The following ST8SIA1 variants were observed in gnomAD, a reference collection of about 807,000 sequenced individuals.
The protein encoded by ST8SIA1 is ST8 alpha-N-acetyl-neuraminide alpha-2,8-sialyltransferase 1.
In ST8SIA1, 16 loss-of-function variants were observed where a neutral mutation model predicts 35.9. That is an observed-to-expected ratio of 0.45 (90% CI 0.30 to 0.68). The LOEUF (loss-of-function observed/expected upper bound fraction) is 0.68. Ranked by LOEUF, ST8SIA1 falls within the 30% of genes least tolerant of loss-of-function variation. The pLI is 0.09. For synonymous variants in ST8SIA1, 170 were observed against 169.6 expected (o/e 1.00, Z -0.02); for missense variants, 383 against 453.6 (o/e 0.84, Z 1.41).
chr12:22,253,560 A>T (rs1300735320), intron 3 of ST8SIA1, among the ~76,000 whole-genome samples: 3 of 152,140 alleles, frequency 2.0e-5, no homozygotes, highest in African/African-American at 7.2e-5. Context: ...GAATTCCCCC[A>T]CGGTAGCAAA....
intron 4 of ST8SIA1, among the ~76,000 whole-genome samples, chr12:22,242,200 G>A (rs1268995513): frequency 6.6e-6 from 1 of 151,900 alleles, no homozygotes; most frequent in African/African-American, 2.4e-5. Flanking sequence ...TTTATCCAGG[G>A]GACAAACTCT....
At position 22,195,479 on chromosome 12, in the gene ST8SIA1, CAGGA is replaced by C. The variant is rs1864975517; in HGVS notation, c.*6069_*6072del. 6.6e-6 allele frequency: 1 copy of C among 151,948 alleles called. No individual in the cohort carries two copies. The highest frequency in any genetic ancestry group is 1.5e-5 in the Non-Finnish European group (1 of 68,080). The allele number at this position is 151,948 out of a possible 1,614,324, so 9.4% of individuals were successfully genotyped here. ...TTTGTTTTTTGTAACCAGGTAAAAG[CAGGA>C]ACACAGTCCCCCATTACCACAAATT... On this transcript the variant is annotated 3_prime_UTR_variant, in exon 5 of 5. Coordinates refer to ENST00000396037, the MANE Select transcript of ST8SIA1 (RefSeq NM_003034.4).
rs571216031 is a variant in ST8SIA1 at position 22,248,812 on chromosome 12, G to A, written c.584+194C>T. ...TCTAAAGGCAAGAAACAGAATCCCA[G>A]AGGAAGCATAAAATATTGTTTGGAT... On this transcript the variant is annotated intron_variant, in intron 4 of 4. Transcript: ENST00000396037. The A allele has an allele frequency of 2.8e-4, 141 of 511,902 alleles. 4 individuals are homozygous for A. In the South Asian group the frequency reaches 4.4e-3, roughly 16 times the overall value. The allele number at this position is 511,902 out of a possible 1,614,324, so 31.7% of individuals were successfully genotyped here.
intron 4 of ST8SIA1, among the ~76,000 whole-genome samples, chr12:22,210,992 T>C (rs1034298681): frequency 7.2e-5 from 11 of 152,256 alleles, no homozygotes; most frequent in African/African-American, 2.7e-4. Context: ...TTCTTTTTTC[T>C]GTCCATAAAT....
At chr12:22,322,476 A>G (rs895517265) in intron 1 of ST8SIA1, among the ~76,000 whole-genome samples, 4 of 152,262 alleles carry the variant, frequency 2.6e-5, no homozygotes, top group African/African-American at 9.6e-5. Context: ...ACAATAAATG[A>G]AACTGTCCCT....
intron 4 of ST8SIA1, among the ~76,000 whole-genome samples, chr12:22,212,096 G>T (rs1865181931): frequency 6.6e-6 from 1 of 152,010 alleles, no homozygotes; most frequent in African/African-American, 2.4e-5. Context: ...TTATAATGTT[G>T]TCTGTGCAGT....
intron 2 of ST8SIA1, among the ~76,000 whole-genome samples, chr12:22,260,551 T>C (rs1418924309): frequency 6.6e-6 from 1 of 152,182 alleles, no homozygotes; most frequent in African/African-American, 2.4e-5. Flanking sequence ...TTAATGGCCA[T>C]CTTATTAGTG....
rs1865032441 is a variant in ST8SIA1 at position 22,200,014 on chromosome 12, T to C, written c.*1538A>G. The C allele has an allele frequency of 6.6e-6, 1 of 152,244 alleles. No individual in the cohort carries two copies. The highest frequency in any genetic ancestry group is 2.1e-4 in the South Asian group (1 of 4,836). The allele number at this position is 152,244 out of a possible 1,614,324, so 9.4% of individuals were successfully genotyped here. On this transcript the variant is annotated 3_prime_UTR_variant, in exon 5 of 5. Transcript: ENST00000396037. The stretch of plus-strand genomic sequence containing the variant: ...TAATCTGTCAGTAGAGTTTTCTTAC[T>C]GTGTATCAAAGCTGTTGTAACAAGC...
intron 1 of ST8SIA1, among the ~76,000 whole-genome samples, chr12:22,329,968 C>T (rs1407445119): frequency 6.6e-6 from 1 of 152,174 alleles, no homozygotes; most frequent in East Asian, 1.9e-4. Context: ...TTCTAATGAG[C>T]CATACCTTAA....
At chr12:22,275,479 C>T (rs934545267) in intron 2 of ST8SIA1, among the ~76,000 whole-genome samples, 3 of 151,792 alleles carry the variant, frequency 2.0e-5, no homozygotes, top group African/African-American at 2.4e-5. Flanking sequence ...ACTTGAGCCC[C>T]GGGGGCAGAG....
chr12:22,252,290 G>C (rs193010853), intron 3 of ST8SIA1, among the ~76,000 whole-genome samples: 48 of 152,230 alleles, frequency 3.2e-4, no homozygotes, highest in African/African-American at 1.1e-3. Flanking sequence ...ACACCCTACA[G>C]TCTAGGACCA....
At chr12:22,317,222 G>C (rs12825106) in intron 1 of ST8SIA1, among the ~76,000 whole-genome samples, 53,677 of 152,106 alleles carry the variant, frequency 0.35, 10,118 homozygotes, top group Middle Eastern at 0.55. Flanking sequence ...ACTAAGTGGG[G>C]TATCTACTGA....
chr12:22,303,178 T>A (rs2135826330), intron 1 of ST8SIA1, among the ~76,000 whole-genome samples: 1 of 152,282 alleles, frequency 6.6e-6, no homozygotes, highest in South Asian at 2.1e-4. Context: ...AAATCTTCTG[T>A]TGGTGCTTGG....
At chr12:22,329,164 G>A (rs1866724479) in intron 1 of ST8SIA1, among the ~76,000 whole-genome samples, 1 of 152,280 alleles carries the variant, frequency 6.6e-6, no homozygotes, top group South Asian at 2.1e-4. Context: ...CAAATCATGA[G>A]AGAGATGTAT....
chr12:22,315,100 C>T (rs1866500762), intron 1 of ST8SIA1, among the ~76,000 whole-genome samples: 1 of 152,050 alleles, frequency 6.6e-6, no homozygotes, highest in South Asian at 2.1e-4. Context: ...ATTGTCTGAC[C>T]CACTAGTTAC....
intron 1 of ST8SIA1, among the ~76,000 whole-genome samples, chr12:22,309,347 C>T (rs1477085686): frequency 3.3e-5 from 5 of 152,094 alleles, no homozygotes; most frequent in Non-Finnish European, 7.4e-5. Flanking sequence ...CCTGATGAGA[C>T]ACCACCGACT....
chr12:22,215,151 C>T (rs1470322958), intron 4 of ST8SIA1, among the ~76,000 whole-genome samples: 1 of 152,100 alleles, frequency 6.6e-6, no homozygotes, highest in South Asian at 2.1e-4. Flanking sequence ...CCAAGTCTCC[C>T]CCAACTGAAA....
In ST8SIA1 at chr12:22,272,914, A is replaced by T. The variant is rs140182672; in HGVS notation, c.381+14235T>A. On this transcript the variant is annotated intron_variant, in intron 2 of 4. Transcript: ENST00000396037. ...TTTTACATCTTCAAAAACAGCAGCA[A>T]TTTCTCCATTATGGTGTCCTTTAAG... 9.7e-3 allele frequency among the ~76,000 whole-genome samples: 1,482 copies of T among 152,302 alleles called. 33 individuals carry two copies. The highest frequency in any genetic ancestry group is 0.034 in the African/African-American group (1,415 of 41,556).
At chr12:22,290,097 T>C (rs1866155811) in intron 1 of ST8SIA1, among the ~76,000 whole-genome samples, 1 of 152,154 alleles carries the variant, frequency 6.6e-6, no homozygotes, top group Non-Finnish European at 1.5e-5. Context: ...GTTTCACATG[T>C]GTAGAAATAT....
Sources: gnomAD v4.1 joint callset for allele counts (sites outside exome capture counted in the v4.1 genomes callset) on GRCh38, gnomAD v4.1.1 for gene constraint, MANE v1.5 for transcripts, NCBI Gene and HGNC (gene_info 2026-07-23, HGNC 2026-07-21) for gene names.